The following SH3PXD2A variants were observed in gnomAD, a reference collection of about 807,000 sequenced individuals.
SH3PXD2A encodes the protein SH3 and PX domains 2A, also known as SH3 and PX domain-containing protein 2A.
In SH3PXD2A, 32 loss-of-function variants were observed where a neutral mutation model predicts 115.2. The ratio of observed to expected loss-of-function variants is 0.28; its 90% CI spans 0.21 to 0.37. SH3PXD2A has a LOEUF of 0.37. Ranked by LOEUF, SH3PXD2A falls within the 10% of genes least tolerant of loss-of-function variation. SH3PXD2A has a pLI of 1.00. For synonymous variants in SH3PXD2A, 610 were observed against 629.1 expected, an observed-to-expected ratio of 0.97 and a Z score of 0.45; for missense variants, 1,328 against 1,498.7, an observed-to-expected ratio of 0.89 and a Z score of 1.88.
chr10:103,780,420 C>A (rs112068355), intron 2 of SH3PXD2A, among the ~76,000 whole-genome samples: 1 of 152,202 alleles, frequency 6.6e-6, no homozygotes, highest in Non-Finnish European at 1.5e-5. Context: ...TAGGCTACTG[C>A]AGAAGGCTGG....
chr10:103,846,134 C>A (rs1163636405), intron 1 of SH3PXD2A, among the ~76,000 whole-genome samples: 2 of 152,258 alleles, frequency 1.3e-5, no homozygotes, highest in Admixed American at 1.3e-4. Flanking sequence ...TACCCCGACC[C>A]AGCCATGGGC....
In SH3PXD2A at chr10:103,660,987, C is replaced by T. The variant is rs1564856867; in HGVS notation, c.600G>A (p.Glu200=). The T allele has an allele frequency of 6.2e-7, 1 of 1,613,944 alleles. No homozygotes were observed. Among genetic ancestry groups the T allele is most frequent in the Non-Finnish European group, 8.5e-7 (1 of 1,179,930 alleles). Residue 200 remains glutamate, a synonymous_variant, in exon 8 of 15, where the codon GAG becomes GAA. Coordinates refer to ENST00000369774, the MANE Select transcript of SH3PXD2A (RefSeq NM_001394015.1). ...GCCATTGGCCAGGGCACTCACCGCT[C>T]TCGTTCTTCTCGATGACATCCACCA... ...GEVVDVIEKN[E]SGWWFVSTSE... is the part of the protein sequence containing the mutation.
At chr10:103,636,326 A>G (rs754397037) in intron 8 of SH3PXD2A, among the ~76,000 whole-genome samples, 13 of 151,686 alleles carry the variant, frequency 8.6e-5, no homozygotes, top group East Asian at 1.9e-4. Context: ...GGAGAATGGC[A>G]TGAACCTGAG....
intron 5 of SH3PXD2A, among the ~76,000 whole-genome samples, chr10:103,714,466 C>T (rs1217341099): frequency 6.6e-6 from 1 of 152,196 alleles, no homozygotes; most frequent in African/African-American, 2.4e-5. Flanking sequence ...GCGCTATGAG[C>T]TGGGCTGGAC....
At chr10:103,840,803 C>CG (rs1293299252) in intron 1 of SH3PXD2A, among the ~76,000 whole-genome samples, 1 of 151,596 alleles carries the variant, frequency 6.6e-6, no homozygotes, top group African/African-American at 2.4e-5. Context: ...TGCTTAGTGG[C>CG]GGGCACATCG....
chr10:103,758,030 C>T (rs2038661964), intron 3 of SH3PXD2A, among the ~76,000 whole-genome samples: 1 of 152,200 alleles, frequency 6.6e-6, no homozygotes, highest in Non-Finnish European at 1.5e-5. Context: ...CAGCGCTTTC[C>T]ATGCATTAAC....
At chr10:103,662,998 T>G (rs1433868814) in intron 7 of SH3PXD2A, among the ~76,000 whole-genome samples, 1 of 151,902 alleles carries the variant, frequency 6.6e-6, no homozygotes, top group Non-Finnish European at 1.5e-5. Context: ...AGAGCTGAGG[T>G]CTCACTTTGT....
intron 1 of SH3PXD2A, among the ~76,000 whole-genome samples, chr10:103,810,180 G>C (rs4917400): frequency 0.94 from 143,326 of 152,092 alleles, 67,827 homozygotes; most frequent in South Asian, 0.99. Context: ...GAAGGTGGTT[G>C]GTGGCATGCT....
intron 4 of SH3PXD2A, among the ~76,000 whole-genome samples, 188 bp from the exon 5 acceptor site, chr10:103,724,549 T>C (rs777201325): frequency 1.3e-4 from 19 of 151,130 alleles, no homozygotes; most frequent in Non-Finnish European, 2.1e-4. Flanking sequence ...AAATAACGAA[T>C]CAAACAACCA....
intron 5 of SH3PXD2A, 113 bp from the exon 6 acceptor site, chr10:103,693,169 A>C (rs533918928): frequency 1.0e-5 from 7 of 684,890 alleles, no homozygotes; most frequent in Admixed American, 6.0e-5. Context: ...GCCGCTGCTC[A>C]TGTGATGCCC....
chr10:103,706,776 A>G (rs763336983), intron 5 of SH3PXD2A, among the ~76,000 whole-genome samples: 44 of 152,014 alleles, frequency 2.9e-4, no homozygotes, highest in Non-Finnish European at 4.4e-4. Context: ...GGATAGGCAG[A>G]CCCTGCATCT....
rs2036451853 is a variant in SH3PXD2A, at chr10:103,613,010, C to T, written c.1101G>A (p.Glu367=). The change falls in exon 12 of 15, where the codon GAG becomes GAA. Residue 367 remains glutamate (E), a synonymous_variant. Coordinates refer to ENST00000369774, the MANE Select transcript of SH3PXD2A (RefSeq NM_001394015.1). ...TCTTGGCAATGGGGGCCTCATGGCC[C>T]TCGCCTTCGGCTGGTGGAGTTTCCT... ...GDKETPPAEG[E]GHEAPIAKKE... is the part of the protein sequence containing the mutation. 2 of 1,614,238 alleles carry T rather than the reference C, an allele frequency of 1.2e-6. No individual in the cohort carries two copies. Among genetic ancestry groups the T allele is most frequent in the East Asian group, 4.5e-5 (2 of 44,882 alleles).
intron 4 of SH3PXD2A, among the ~76,000 whole-genome samples, chr10:103,734,853 C>T (rs2038362131): frequency 6.6e-6 from 1 of 152,200 alleles, no homozygotes; most frequent in Non-Finnish European, 1.5e-5. Context: ...ATAACAAAAG[C>T]ATCTGCTGAA....
At chr10:103,711,389 C>T (rs1342773384) in intron 5 of SH3PXD2A, among the ~76,000 whole-genome samples, 2 of 152,154 alleles carry the variant, frequency 1.3e-5, no homozygotes, top group African/African-American at 2.4e-5. Flanking sequence ...TCCCACTGAC[C>T]TGGGGCACGT....
At chr10:103,804,873 C>T (rs957465721) in intron 1 of SH3PXD2A, among the ~76,000 whole-genome samples, 4 of 152,068 alleles carry the variant, frequency 2.6e-5, no homozygotes, top group Admixed American at 6.5e-5. Context: ...TACCCTGGTC[C>T]CCCTGCTGAC....
chr10:103,770,536 A>G, intron 2 of SH3PXD2A, among the ~76,000 whole-genome samples: 1 of 152,170 alleles, frequency 6.6e-6, no homozygotes, highest in East Asian at 1.9e-4. Flanking sequence ...CAGAATTTCA[A>G]TGTCTGGATA....
intron 6 of SH3PXD2A, among the ~76,000 whole-genome samples, chr10:103,669,284 G>A (rs2134079510): frequency 6.6e-6 from 1 of 152,328 alleles, no homozygotes; most frequent in South Asian, 2.1e-4. Context: ...GGGACCTTGA[G>A]TGACCAGAAG....
chr10:103,625,030 A>C (rs1031616746), intron 9 of SH3PXD2A, among the ~76,000 whole-genome samples: 1 of 152,054 alleles, frequency 6.6e-6, no homozygotes, highest in East Asian at 1.9e-4. Context: ...ACACACCCAC[A>C]CCCACCCCCC....
At chr10:103,841,995 G>C (rs1256332098) in intron 1 of SH3PXD2A, among the ~76,000 whole-genome samples, 2 of 151,978 alleles carry the variant, frequency 1.3e-5, no homozygotes, top group African/African-American at 4.8e-5. Flanking sequence ...TGTGGTGGCG[G>C]GTGCCTGTAG....
Sources: gnomAD v4.1 joint callset for allele counts (sites outside exome capture counted in the v4.1 genomes callset) on GRCh38, gnomAD v4.1.1 for gene constraint, MANE v1.5 for transcripts, NCBI Gene and HGNC (gene_info 2026-07-23, HGNC 2026-07-21) for gene names.